The following FKBP11 variants were observed in gnomAD, a reference collection of about 807,000 sequenced individuals.
FKBP11 encodes peptidyl-prolyl cis-trans isomerase FKBP11.
A neutral mutation model predicts 24.7 loss-of-function variants in FKBP11; 21 were observed. That is an observed-to-expected ratio of 0.85 (90% CI 0.60 to 1.23). FKBP11 has a LOEUF of 1.23. Ranked by LOEUF, FKBP11 falls within the 50% of genes most tolerant of loss-of-function variation. The pLI is 0.00. For missense variants in FKBP11, 245 were observed against 248.7 expected, an observed-to-expected ratio of 0.99 and a Z score of 0.10; for synonymous variants, 106 against 100.6, an observed-to-expected ratio of 1.05 and a Z score of -0.32.
chr12:48,925,365 C>T lies in FKBP11; in HGVS notation c.64G>A (p.Val22Met), dbSNP rs1406806224. Residue 22 changes from valine (V) to methionine (M), a missense_variant, in exon 1 of 6, where the codon GTG becomes ATG. By Grantham distance (21) the Val-to-Met change is conservative. Transcript: ENST00000550765. ...LLLLLLLSAA[V>M]CRAEAGLETE... ...TCGAGCCCAGCCTCAGCCCGGCACA[C>T]CGCCGCACTGAGCAGCAGCAGCAGC... is the stretch of plus-strand genomic sequence containing the variant. 7 of 1,605,568 alleles carry T rather than the reference C, an allele frequency of 4.4e-6. No homozygotes were observed. In the Admixed American group the frequency reaches 1.2e-4, roughly 27 times the overall value.
At chr12:48,930,314 C>T (rs933806323), upstream of FKBP11, among the ~76,000 whole-genome samples, 4 of 152,142 alleles carry the variant, frequency 2.6e-5, no homozygotes, top group Non-Finnish European at 5.9e-5. Flanking sequence ...TCAGCACATA[C>T]ATTTAAAAAA....
the FKBP11 span, among the ~76,000 whole-genome samples, chr12:48,932,228 TATATATATATATA>T: frequency 7.0e-4 from 23 of 32,836 alleles, no homozygotes; most frequent in African/African-American, 4.1e-3. Context: ...AACATATATT[TATATATATATATA>T]TATATATATA....
At chr12:48,928,816 A>ATTT (rs1339667231), upstream of FKBP11, among the ~76,000 whole-genome samples, 1 of 103,470 alleles carries the variant, frequency 9.7e-6, no homozygotes, top group Non-Finnish European at 2.0e-5. Context: ...ATAAACTTCT[A>ATTT]TCTTTTTTTT....
chr12:48,924,897 A>T, intron 2 of FKBP11, 149 bp downstream of exon 2: 2 of 1,440,666 alleles, frequency 1.4e-6, no homozygotes, highest in South Asian at 2.9e-5. Flanking sequence ...CGGAAGAGCA[A>T]CGTCTCTCCC....
At chr12:48,927,011 T>C (rs1939983342), upstream of FKBP11, among the ~76,000 whole-genome samples, 1 of 152,186 alleles carries the variant, frequency 6.6e-6, no homozygotes, top group East Asian at 1.9e-4. Flanking sequence ...GGTTTCGCCA[T>C]GTTGGCCAGA....
Position 48,923,302 on chromosome 12 carries a change from ATGGCTTTTAAAGTTATGGGGCAGACT to A in FKBP11, c.388+454_388+479del, listed in dbSNP as rs1039890947. On this transcript the variant is annotated intron_variant, in intron 5 of 5. Transcript: ENST00000550765. ...AAATAGACATCGGCAGTGACCAATG[ATGGCTTTTAAAGTTATGGGGCAGACT>A]TGGCTTTAACAGTTGCTTTTTGTTT... 7 of 1,414,076 alleles carry A rather than the reference ATGGCTTTTAAAGTTATGGGGCAGACT, an allele frequency of 5.0e-6. No individual in the cohort carries two copies. The Admixed American group carries it at 8.7e-5, about 18-fold the overall frequency. The allele number at this position is 1,414,076 out of a possible 1,614,324, so 87.6% of individuals were successfully genotyped here.
At chr12:48,937,971 C>G in the FKBP11 span, 1 of 158,502 alleles carries the variant, frequency 6.3e-6, no homozygotes, top group African/African-American at 2.4e-5. Context: ...CTCCCTTCCC[C>G]CAATGCCCTG....
upstream of FKBP11, among the ~76,000 whole-genome samples, chr12:48,931,128 TAAAAAAAAAAAAA>T (rs35482677): frequency 8.3e-4 from 30 of 36,218 alleles, 1 homozygote; most frequent in East Asian, 5.7e-3. Flanking sequence ...GACTCCAGCT[TAAAAAAAAAAAAA>T]AAAAAAAAAA....
At chr12:48,931,627 C>T in the FKBP11 span, 193 of 662,088 alleles carry the variant, frequency 2.9e-4, no homozygotes, top group Admixed American at 2.2e-3. Context: ...GTAGGAGAAA[C>T]CCTACCACAG....
chr12:48,934,925 T>C, the FKBP11 span, among the ~76,000 whole-genome samples: 1 of 148,798 alleles, frequency 6.7e-6, no homozygotes, highest in African/African-American at 2.5e-5. Flanking sequence ...AGCAGGAGAA[T>C]TGCTTGAACC....
the FKBP11 span, chr12:48,938,778 G>C: frequency 2.6e-6 from 2 of 762,144 alleles, no homozygotes; most frequent in Non-Finnish European, 4.2e-6. Context: ...CATATAGGTG[G>C]ACAGGAAAAA....
At position 48,925,336 on chromosome 12, in the gene FKBP11, G is replaced by C. The variant is rs748618203; in HGVS notation, c.93C>G (p.Thr31=). 2.5e-6 allele frequency: 4 copies of C among 1,610,570 alleles called. No homozygotes were observed. The Admixed American group carries it at 6.7e-5, about 27-fold the overall frequency. The change falls in exon 1 of 6, where the codon ACC becomes ACG. Residue 31 remains threonine, a synonymous_variant. Transcript: ENST00000550765. ...AVCRAEAGLE[T]ESPVRTLQVE... ...CTTGGAGGGTCCGGACGGGACTTTC[G>C]GTTTCGAGCCCAGCCTCAGCCCGGC...
the FKBP11 span, chr12:48,938,611 C>A: frequency 2.2e-6 from 1 of 450,530 alleles, no homozygotes. Flanking sequence ...GCCAAGAGGA[C>A]AGCAACCACT....
At chr12:48,935,638 C>A in the FKBP11 span, 2 of 152,184 alleles carry the variant, frequency 1.3e-5, no homozygotes, top group African/African-American at 4.8e-5. Flanking sequence ...GGCTTGGCAT[C>A]CTGACAATGA....
At chr12:48,928,764 C>T (rs961005018), upstream of FKBP11, among the ~76,000 whole-genome samples, 1 of 151,906 alleles carries the variant, frequency 6.6e-6, no homozygotes, top group East Asian at 1.9e-4. Context: ...CAGGTGTAAG[C>T]CACCATGCAC....
At chr12:48,923,089 G>T in intron 5 of FKBP11, 1 of 959,668 alleles carries the variant, frequency 1.0e-6, no homozygotes, top group Non-Finnish European at 1.4e-6. Flanking sequence ...CGGAGGTTGT[G>T]GTGAGTGAAG....
upstream of FKBP11, among the ~76,000 whole-genome samples, chr12:48,929,743 G>C (rs75703411): frequency 0.086 from 13,038 of 152,166 alleles, 743 homozygotes; most frequent in Non-Finnish European, 0.13. Flanking sequence ...ACACATCAAT[G>C]CTCAGTAAAT....
upstream of FKBP11, among the ~76,000 whole-genome samples, chr12:48,928,549 G>A (rs534776856): frequency 3.0e-4 from 46 of 152,124 alleles, no homozygotes; most frequent in Middle Eastern, 3.4e-3. Flanking sequence ...CTGTGATCTT[G>A]GCTCACTGCA....
chr12:48,938,016 A>AC, the FKBP11 span: 1 of 172,470 alleles, frequency 5.8e-6, no homozygotes. Context: ...TGCCATCCCC[A>AC]CCCCCCAGTC....
Sources: gnomAD v4.1 joint callset for allele counts (sites outside exome capture counted in the v4.1 genomes callset) on GRCh38, gnomAD v4.1.1 for gene constraint, MANE v1.5 for transcripts, NCBI Gene and HGNC (gene_info 2026-07-23, HGNC 2026-07-21) for gene names.